Variants in PCOLCE2 observed in about 807,000 individuals in gnomAD.
The protein encoded by PCOLCE2 is procollagen C-proteinase enhancer 2.
In PCOLCE2, 42 loss-of-function variants were observed where a neutral mutation model predicts 47.0. That is an observed-to-expected ratio of 0.89 (90% CI 0.70 to 1.16). The LOEUF (loss-of-function observed/expected upper bound fraction) is 1.16. Among genes scored for constraint, PCOLCE2 ranks in the 50% most tolerant of loss-of-function variants. The pLI, the probability that PCOLCE2 is intolerant of heterozygous loss-of-function variation, is 0.00. For missense variants in PCOLCE2, 500 were observed against 526.1 expected (o/e 0.95, Z 0.49); for synonymous variants, 169 against 191.7 (o/e 0.88, Z 0.98).
intron 2 of PCOLCE2, 175 bp downstream of exon 2, chr3:142,887,494 C>A: frequency 1.7e-6 from 1 of 578,770 alleles, no homozygotes; most frequent in South Asian, 2.2e-5. Flanking sequence ...ATGCAGGACA[C>A]GACTAGATCT....
intron 8 of PCOLCE2, among the ~76,000 whole-genome samples, chr3:142,819,864 C>G (rs973066499): frequency 6.6e-6 from 1 of 152,064 alleles, no homozygotes; most frequent in African/African-American, 2.4e-5. Context: ...CCAGGCTGGT[C>G]TCGAACTCAG....
intron 2 of PCOLCE2, among the ~76,000 whole-genome samples, chr3:142,851,001 T>C (rs1932926007): frequency 6.6e-6 from 1 of 152,154 alleles, no homozygotes; most frequent in African/African-American, 2.4e-5. Flanking sequence ...CTGGTGGAGT[T>C]GGCCTTAGTA....
intron 2 of PCOLCE2, among the ~76,000 whole-genome samples, chr3:142,853,863 G>C (rs903447128): frequency 1.3e-5 from 2 of 152,174 alleles, no homozygotes; most frequent in Admixed American, 1.3e-4. Flanking sequence ...ACAATTCGAC[G>C]TTTGTGTTTT....
intron 2 of PCOLCE2, among the ~76,000 whole-genome samples, chr3:142,883,853 A>G (rs1474322664): frequency 6.6e-6 from 1 of 152,222 alleles, no homozygotes; most frequent in East Asian, 1.9e-4. Context: ...TAATGAAGCT[A>G]TTAACGGAAT....
At chr3:142,880,420 C>G (rs1210072766) in intron 2 of PCOLCE2, among the ~76,000 whole-genome samples, 1 of 152,078 alleles carries the variant, frequency 6.6e-6, no homozygotes, top group Non-Finnish European at 1.5e-5. Flanking sequence ...CTTGCCATAC[C>G]CTTAGGTATA....
At chr3:142,866,726 T>C (rs375490593) in intron 2 of PCOLCE2, among the ~76,000 whole-genome samples, 225 of 152,284 alleles carry the variant, frequency 1.5e-3, no homozygotes, top group Non-Finnish European at 2.3e-3. Context: ...TATTAAGAAA[T>C]TATTTTAGGC....
chr3:142,838,620 A>T, intron 5 of PCOLCE2, 150 bp downstream of exon 5: 1 of 651,478 alleles, frequency 1.5e-6, no homozygotes, highest in Non-Finnish European at 2.7e-6. Flanking sequence ...GTATTTCTTT[A>T]CAGCAGTGCG....
At position 142,848,319 on chromosome 3, in the gene PCOLCE2, C is replaced by T. The variant is rs770956817; in HGVS notation, c.346G>A (p.Val116Met). 5 of 1,614,220 alleles carry T rather than the reference C, an allele frequency of 3.1e-6. No homozygotes were observed. The highest frequency in any genetic ancestry group is 1.6e-4 in the Middle Eastern group (1 of 6,062). ...ACCATCATCTTGTTGCCACTGGACA[C>T]AAGGGCTCCAGGCCGGAAAGTGCCA... ...FCGTFRPGAL[V>M]SSGNKMMVQM... Residue 116 changes from valine (V) to methionine (M), a missense_variant, in exon 3 of 9, where the codon GTG (valine) becomes ATG (methionine). Transcript: ENST00000295992.
At chr3:142,849,215 A>G (rs1937364237) in intron 2 of PCOLCE2, among the ~76,000 whole-genome samples, 3 of 152,280 alleles carry the variant, frequency 2.0e-5, no homozygotes, top group South Asian at 4.2e-4. Context: ...CTGTGTATAG[A>G]ATGTTTCTAT....
chr3:142,827,977 G>C (rs1235953087), intron 6 of PCOLCE2, among the ~76,000 whole-genome samples: 4 of 152,296 alleles, frequency 2.6e-5, no homozygotes, highest in South Asian at 2.1e-4. Flanking sequence ...CTAGTCCAAT[G>C]AATCACCAAG....
intron 2 of PCOLCE2, among the ~76,000 whole-genome samples, chr3:142,882,309 G>A (rs529485341): frequency 1.1e-4 from 17 of 152,204 alleles, no homozygotes; most frequent in Admixed American, 6.5e-4. Context: ...GCCTCCCAAA[G>A]TATTGGGATT....
Position 142,843,047 on chromosome 3 carries a change from C to A in PCOLCE2, c.450G>T (p.Gly150=), listed in dbSNP as rs1363715079. 1.9e-6 allele frequency: 3 copies of A among 1,612,670 alleles called. No homozygotes were observed. The highest frequency in any genetic ancestry group is 2.5e-6 in the Non-Finnish European group (3 of 1,179,398). Residue 150 remains glycine (G), a splice_region_variant and synonymous_variant, in exon 4 of 9, where the codon GGG becomes GGT. Transcript: ENST00000295992. ...MFSAAEPNER[G]DQYCGGLLDR... ...CAAGGAGTCCTCCACAATACTGATC[C>A]CCTTCAAGTATTAAACAAGGAAAAA...
chr3:142,862,413 T>C (rs754861110), intron 2 of PCOLCE2, among the ~76,000 whole-genome samples: 2 of 152,224 alleles, frequency 1.3e-5, no homozygotes, highest in Non-Finnish European at 2.9e-5. Flanking sequence ...TGCTTTCTTA[T>C]CTTCCAAAAT....
intron 2 of PCOLCE2, among the ~76,000 whole-genome samples, chr3:142,850,259 C>T (rs1937375435): frequency 6.6e-6 from 1 of 152,166 alleles, no homozygotes; most frequent in Non-Finnish European, 1.5e-5. Context: ...TAAATATAAG[C>T]AGGCTCTCTA....
chr3:142,822,122 T>G (rs9839771), intron 7 of PCOLCE2, among the ~76,000 whole-genome samples: 5,499 of 152,012 alleles, frequency 0.036, 344 homozygotes, highest in African/African-American at 0.13. Flanking sequence ...TCTCCATGTT[T>G]GTCAGGCTGG....
chr3:142,828,656 A>G (rs1268809269), intron 6 of PCOLCE2, among the ~76,000 whole-genome samples: 1 of 152,232 alleles, frequency 6.6e-6, no homozygotes, highest in Non-Finnish European at 1.5e-5. Flanking sequence ...AAGTTTGTAT[A>G]TGCTTTCATT....
Position 142,888,867 on chromosome 3 carries a change from G to C in PCOLCE2, c.30C>G (p.Leu10=), listed in dbSNP as rs774541213. The C allele has an allele frequency of 1.9e-6, 3 of 1,548,216 alleles. No individual in the cohort carries two copies. The South Asian group carries it at 3.6e-5, about 19-fold the overall frequency. Residue 10 remains leucine, a synonymous_variant, in exon 1 of 9, where the codon CTC becomes CTG. Transcript: ENST00000295992. ...GGGTGGCGGCAGCCAGCAGCAGGCA[G>C]AGTGGCGCCCAGGCGTTCGCGCCCC... MRGANAWAP[L]CLLLAAATQL... is the part of the protein sequence containing the mutation.
At chr3:142,825,903 T>TG (rs1937071187) in intron 6 of PCOLCE2, among the ~76,000 whole-genome samples, 2 of 152,118 alleles carry the variant, frequency 1.3e-5, no homozygotes, top group African/African-American at 2.4e-5. Flanking sequence ...CAGGCTGGAG[T>TG]TCAGCCTACT....
intron 2 of PCOLCE2, among the ~76,000 whole-genome samples, chr3:142,854,534 C>T (rs1387081866): frequency 6.6e-6 from 1 of 152,178 alleles, no homozygotes; most frequent in Non-Finnish European, 1.5e-5. Context: ...AAATCTTATA[C>T]ATGTTTAAAA....
Sources: gnomAD v4.1 joint callset for allele counts (sites outside exome capture counted in the v4.1 genomes callset) on GRCh38, gnomAD v4.1.1 for gene constraint, MANE v1.5 for transcripts, NCBI Gene and HGNC (gene_info 2026-07-23, HGNC 2026-07-21) for gene names.